SMOC1: variants seen among roughly 807,000 people sequenced by gnomAD.
The protein encoded by SMOC1 is SPARC related modular calcium binding 1.
A neutral mutation model predicts 56.3 loss-of-function variants in SMOC1; 22 were observed. That is an observed-to-expected ratio of 0.39 (90% CI 0.28 to 0.56). The LOEUF is 0.56. SMOC1 is among the 20% of genes least tolerant of loss of function. SMOC1 has a pLI of 0.61. For synonymous variants in SMOC1, 193 were observed against 215.0 expected, an observed-to-expected ratio of 0.90 and a Z score of 0.89; for missense variants, 509 against 565.4, an observed-to-expected ratio of 0.90 and a Z score of 1.01.
intron 1 of SMOC1, among the ~76,000 whole-genome samples, chr14:69,913,967 T>C (rs11622690): frequency 2.9e-3 from 447 of 152,364 alleles, no homozygotes; most frequent in Middle Eastern, 6.8e-3. Flanking sequence ...TCAAGTTCAC[T>C]ACAGAGTCAT....
chr14:69,886,097 G>A (rs1354411893), intron 1 of SMOC1: 6 of 1,566,708 alleles, frequency 3.8e-6, no homozygotes, highest in Non-Finnish European at 5.2e-6. Flanking sequence ...GACAGCTGGG[G>A]CCGGAGCCAC....
intron 11 of SMOC1, among the ~76,000 whole-genome samples, chr14:70,029,599 C>T (rs1487916109): frequency 6.6e-6 from 1 of 152,196 alleles, no homozygotes; most frequent in Admixed American, 6.5e-5. Context: ...AGGACAGAGA[C>T]CCAGCATACG....
At chr14:69,972,217 C>T (rs367910434) in intron 3 of SMOC1, among the ~76,000 whole-genome samples, 1 of 152,152 alleles carries the variant, frequency 6.6e-6, no homozygotes, top group African/African-American at 2.4e-5. Context: ...CGGCTGCAGA[C>T]TGTCTCCATG....
At chr14:69,970,884 T>TG (rs779023585) in intron 3 of SMOC1, among the ~76,000 whole-genome samples, 3 of 152,186 alleles carry the variant, frequency 2.0e-5, no homozygotes, top group Non-Finnish European at 4.4e-5. Flanking sequence ...TTTATCTGGA[T>TG]GGGGGTTGGC....
chr14:69,954,134 C>T (rs958174826), intron 3 of SMOC1, among the ~76,000 whole-genome samples: 5 of 152,190 alleles, frequency 3.3e-5, no homozygotes, highest in Non-Finnish European at 5.9e-5. Flanking sequence ...GTAATGCTGA[C>T]TGTGTTGATC....
intron 1 of SMOC1, among the ~76,000 whole-genome samples, chr14:69,893,391 G>T (rs1174351138): frequency 5.3e-5 from 8 of 152,164 alleles, no homozygotes; most frequent in Admixed American, 3.3e-4. Context: ...ATAGAGAAGG[G>T]GGTTTAGTGC....
intron 1 of SMOC1, chr14:69,885,205 G>T: frequency 1.7e-6 from 1 of 579,488 alleles, no homozygotes; most frequent in Non-Finnish European, 2.9e-6. Context: ...TACTCTCTAG[G>T]AACTTTTCTA....
chr14:69,979,140 C>T (rs1348190888), intron 5 of SMOC1, among the ~76,000 whole-genome samples: 1 of 152,120 alleles, frequency 6.6e-6, no homozygotes, highest in African/African-American at 2.4e-5. Context: ...AGTTCACAGG[C>T]TTGTCCTGCA....
chr14:69,943,465 G>A (rs1882649918), intron 1 of SMOC1, among the ~76,000 whole-genome samples: 1 of 152,204 alleles, frequency 6.6e-6, no homozygotes, highest in African/African-American at 2.4e-5. Context: ...TTGATAGTGG[G>A]TGGGTGAGTG....
chr14:70,000,797 C>T (rs1032137347), intron 7 of SMOC1, among the ~76,000 whole-genome samples: 3 of 152,180 alleles, frequency 2.0e-5, no homozygotes, highest in Non-Finnish European at 4.4e-5. Flanking sequence ...TTTAGACAGG[C>T]TGGTTGGTTT....
intron 7 of SMOC1, among the ~76,000 whole-genome samples, chr14:70,003,389 G>A (rs1381453446): frequency 6.6e-6 from 1 of 152,124 alleles, no homozygotes; most frequent in Admixed American, 6.6e-5. Flanking sequence ...GATGGTCTGA[G>A]GGTTGAGTGT....
intron 1 of SMOC1, among the ~76,000 whole-genome samples, chr14:69,905,907 A>T (rs1566668279): frequency 6.6e-6 from 1 of 152,256 alleles, no homozygotes; most frequent in Admixed American, 6.5e-5. Flanking sequence ...ACACCTTAAG[A>T]AATCTAAGTG....
At chr14:70,004,389 C>A (rs1407477409) in intron 7 of SMOC1, among the ~76,000 whole-genome samples, 4 of 152,238 alleles carry the variant, frequency 2.6e-5, no homozygotes, top group Non-Finnish European at 5.9e-5. Context: ...ATGTGGTCAA[C>A]ATTTACAGTC....
intron 1 of SMOC1, among the ~76,000 whole-genome samples, chr14:69,908,504 T>TA (rs1884471163): frequency 6.6e-6 from 1 of 151,844 alleles, no homozygotes; most frequent in South Asian, 2.1e-4. Context: ...TGCTGGAGGG[T>TA]AGTGGGAACA....
intron 7 of SMOC1, among the ~76,000 whole-genome samples, chr14:70,009,122 A>G (rs1222527148): frequency 6.6e-6 from 1 of 152,208 alleles, no homozygotes; most frequent in Admixed American, 6.5e-5. Flanking sequence ...CTATATTTGC[A>G]TTATGAAAAC....
At chr14:69,959,109 T>C (rs1883285138) in intron 3 of SMOC1, among the ~76,000 whole-genome samples, 1 of 152,228 alleles carries the variant, frequency 6.6e-6, no homozygotes, top group South Asian at 2.1e-4. Flanking sequence ...CTTATTGTCA[T>C]TATTTAGGAC....
At chr14:70,010,638 A>G in intron 7 of SMOC1, 116 bp from the exon 8 acceptor site, 1 of 1,075,350 alleles carries the variant, frequency 9.3e-7, no homozygotes, top group South Asian at 1.3e-5. Flanking sequence ...GGGGCAGCTC[A>G]TCAGTTCCTG....
intron 1 of SMOC1, among the ~76,000 whole-genome samples, chr14:69,936,609 G>A (rs899045076): frequency 6.6e-6 from 1 of 152,200 alleles, no homozygotes; most frequent in Non-Finnish European, 1.5e-5. Flanking sequence ...GGCCATTGCC[G>A]GCCAGCGTTG....
chr14:69,928,030 C>T (rs965289283), intron 1 of SMOC1, among the ~76,000 whole-genome samples: 1 of 152,094 alleles, frequency 6.6e-6, no homozygotes, highest in South Asian at 2.1e-4. Flanking sequence ...ATGCTGGGCA[C>T]GATGCAGTGC....
Sources: allele counts gnomAD v4.1 joint callset (sites outside exome capture counted in the v4.1 genomes callset), GRCh38; gene constraint gnomAD v4.1.1; transcripts MANE v1.5; gene names NCBI Gene and HGNC (gene_info 2026-07-23, HGNC 2026-07-21).